SDK1: variants seen among roughly 807,000 people sequenced by gnomAD.
The protein encoded by SDK1 is protein sidekick-1.
A neutral mutation model predicts 245.5 loss-of-function variants in SDK1; 157 were observed. The observed-to-expected ratio is 0.64, with a 90% confidence interval of 0.56 to 0.73. The LOEUF (loss-of-function observed/expected upper bound fraction) is 0.73. Ranked by LOEUF, SDK1 falls within the 30% of genes least tolerant of loss-of-function variation. SDK1 has a pLI of 0.00. For missense variants in SDK1, 3,583 were observed against 3,002.3 expected, an observed-to-expected ratio of 1.19 and a Z score of -4.52; for synonymous variants, 1,647 against 1,278.5, an observed-to-expected ratio of 1.29 and a Z score of -6.15.
chr7:3,456,646 T>A (rs1191376121), intron 1 of SDK1, among the ~76,000 whole-genome samples: 2 of 152,248 alleles, frequency 1.3e-5, no homozygotes, highest in Non-Finnish European at 2.9e-5. Context: ...TGTATTTTTG[T>A]GATGGCTGCT....
intron 1 of SDK1, among the ~76,000 whole-genome samples, chr7:3,507,228 G>GT (rs1782422450): frequency 6.6e-6 from 1 of 152,120 alleles, no homozygotes; most frequent in African/African-American, 2.4e-5. Flanking sequence ...AGTAGTTGTC[G>GT]TTTTTTGTGT....
intron 1 of SDK1, among the ~76,000 whole-genome samples, chr7:3,437,861 C>T (rs1179464155): frequency 6.6e-6 from 1 of 152,170 alleles, no homozygotes; most frequent in African/African-American, 2.4e-5. Context: ...TTTTGTAGTA[C>T]TGAAACCAAG....
chr7:3,554,221 T>A (rs892965093), intron 1 of SDK1, among the ~76,000 whole-genome samples: 2 of 152,132 alleles, frequency 1.3e-5, no homozygotes, highest in African/African-American at 4.8e-5. Flanking sequence ...TAGAGCACTT[T>A]TAAACAACCA....
intron 1 of SDK1, among the ~76,000 whole-genome samples, chr7:3,538,326 A>T (rs1031155159): frequency 1.3e-5 from 2 of 152,152 alleles, no homozygotes; most frequent in African/African-American, 4.8e-5. Context: ...CCACCTTTAA[A>T]AGAAAATCCT....
intron 1 of SDK1, among the ~76,000 whole-genome samples, chr7:3,321,047 G>A (rs913270715): frequency 1.3e-5 from 2 of 152,264 alleles, no homozygotes. Context: ...TATAACATAG[G>A]ATATGTGGAT....
At chr7:4,050,925 T>C (rs1261469908) in intron 18 of SDK1, among the ~76,000 whole-genome samples, 4 of 143,934 alleles carry the variant, frequency 2.8e-5, no homozygotes, top group African/African-American at 1.0e-4. Flanking sequence ...TAATGTATTA[T>C]ATATACATAC....
chr7:3,747,367 C>G (rs1443264349), intron 4 of SDK1, among the ~76,000 whole-genome samples: 1 of 152,156 alleles, frequency 6.6e-6, no homozygotes, highest in Non-Finnish European at 1.5e-5. Flanking sequence ...CATGTTTGTG[C>G]TATTTTCTTG....
intron 1 of SDK1, among the ~76,000 whole-genome samples, chr7:3,423,278 T>G (rs780088204): frequency 5.3e-5 from 8 of 152,344 alleles, no homozygotes; most frequent in South Asian, 2.1e-4. Flanking sequence ...GAGGAAAATT[T>G]TTATTGATTA....
intron 5 of SDK1, among the ~76,000 whole-genome samples, chr7:3,938,378 C>T (rs1780233791): frequency 6.6e-6 from 1 of 152,096 alleles, no homozygotes. Flanking sequence ...CACGGTGGCT[C>T]ATGCCTGTAA....
At chr7:3,462,282 C>T (rs1161414854) in intron 1 of SDK1, among the ~76,000 whole-genome samples, 2 of 152,080 alleles carry the variant, frequency 1.3e-5, no homozygotes, top group African/African-American at 4.8e-5. Flanking sequence ...GCCTTGGTTT[C>T]CCTCCTAAAT....
At chr7:3,619,267 C>G (rs1285202019) in intron 2 of SDK1, 28 bp downstream of exon 2, 1 of 1,583,698 alleles carries the variant, frequency 6.3e-7, no homozygotes, top group South Asian at 1.1e-5. Flanking sequence ...AAAATAAGAT[C>G]CCATTTCAGT....
intron 4 of SDK1, among the ~76,000 whole-genome samples, chr7:3,757,210 C>T (rs1200033509): frequency 1.3e-5 from 2 of 152,060 alleles, no homozygotes; most frequent in African/African-American, 4.8e-5. Context: ...ATCGGGGTTC[C>T]CAAAACCCCC....
At chr7:3,440,778 T>TG (rs1269108710) in intron 1 of SDK1, among the ~76,000 whole-genome samples, 1 of 152,188 alleles carries the variant, frequency 6.6e-6, no homozygotes, top group African/African-American at 2.4e-5. Context: ...ATGCTGGTCT[T>TG]GCTGTTGCAC....
At chr7:3,630,785 G>C (rs1323984803) in intron 2 of SDK1, among the ~76,000 whole-genome samples, 1 of 151,756 alleles carries the variant, frequency 6.6e-6, no homozygotes, top group Non-Finnish European at 1.5e-5. Flanking sequence ...GATACACTGT[G>C]TTTATATATC....
intron 14 of SDK1, among the ~76,000 whole-genome samples, chr7:4,002,371 T>C (rs1354367812): frequency 6.6e-6 from 1 of 152,226 alleles, no homozygotes; most frequent in African/African-American, 2.4e-5. Flanking sequence ...TTTCTGTTCA[T>C]GTGACGACAG....
At chr7:3,424,129 C>A (rs1354940333) in intron 1 of SDK1, among the ~76,000 whole-genome samples, 1 of 152,132 alleles carries the variant, frequency 6.6e-6, no homozygotes, top group Non-Finnish European at 1.5e-5. Context: ...CCAGGCTGGT[C>A]TCAAACTCGT....
chr7:3,533,216 C>G (rs1470146482), intron 1 of SDK1, among the ~76,000 whole-genome samples: 1 of 152,106 alleles, frequency 6.6e-6, no homozygotes, highest in Non-Finnish European at 1.5e-5. Context: ...AATGTCACTC[C>G]TGATAAGACT....
intron 4 of SDK1, among the ~76,000 whole-genome samples, chr7:3,728,449 C>G (rs1779078794): frequency 6.6e-6 from 1 of 152,190 alleles, no homozygotes; most frequent in African/African-American, 2.4e-5. Context: ...CTGAGTGACT[C>G]CCTCTGTGAT....
At chr7:4,211,971 T>G (rs1784537392) in intron 38 of SDK1, among the ~76,000 whole-genome samples, 1 of 152,226 alleles carries the variant, frequency 6.6e-6, no homozygotes, top group South Asian at 2.1e-4. Flanking sequence ...GACACCAATG[T>G]GTCCACCAAA....
Sources: gnomAD v4.1 joint callset for allele counts (sites outside exome capture counted in the v4.1 genomes callset) on GRCh38, gnomAD v4.1.1 for gene constraint, MANE v1.5 for transcripts, NCBI Gene and HGNC (gene_info 2026-07-23, HGNC 2026-07-21) for gene names.